The following SHOC2 variants were observed in gnomAD, a reference collection of about 807,000 sequenced individuals.
SHOC2 encodes SHOC2 leucine rich repeat scaffold protein.
A neutral mutation model predicts 50.2 loss-of-function variants in SHOC2; 4 were observed. That is an observed-to-expected ratio of 0.08 (90% confidence interval 0.04 to 0.18). The LOEUF (loss-of-function observed/expected upper bound fraction) is 0.18. SHOC2 is among the 10% of genes least tolerant of loss of function. The pLI is 1.00. For synonymous variants in SHOC2, 218 were observed against 244.5 expected (o/e 0.89, Z 1.01); for missense variants, 388 against 669.6 (o/e 0.58, Z 4.64).
At chr10:110,937,224 C>A (rs575026306) in intron 1 of SHOC2, 25 of 1,295,760 alleles carry the variant, frequency 1.9e-5, no homozygotes, top group Non-Finnish European at 2.8e-5. Flanking sequence ...AGGACCTGCA[C>A]CTCTGCCATC....
At chr10:110,930,984 A>C (rs1187439826) in intron 1 of SHOC2, among the ~76,000 whole-genome samples, 2 of 152,138 alleles carry the variant, frequency 1.3e-5, no homozygotes, top group East Asian at 3.8e-4. Context: ...TTGGGTAAAC[A>C]GGAATTTTCA....
intron 1 of SHOC2, among the ~76,000 whole-genome samples, chr10:110,960,405 A>G (rs1847549423): frequency 6.6e-6 from 1 of 152,198 alleles, no homozygotes; most frequent in Non-Finnish European, 1.5e-5. Context: ...TCATATAGTC[A>G]TGATTTGGAT....
intron 3 of SHOC2, among the ~76,000 whole-genome samples, chr10:110,997,998 CTTTTT>C (rs67929631): frequency 7.3e-6 from 1 of 136,644 alleles, no homozygotes. Flanking sequence ...TTATTATAGT[CTTTTT>C]TTTTTTTTTT....
intron 1 of SHOC2, among the ~76,000 whole-genome samples, chr10:110,953,752 A>G (rs1457172702): frequency 6.6e-6 from 1 of 151,588 alleles, no homozygotes; most frequent in Non-Finnish European, 1.5e-5. Context: ...ATATATTTTG[A>G]TAGGTTTGAT....
chr10:110,971,750 T>G (rs927331781), intron 2 of SHOC2, among the ~76,000 whole-genome samples: 3 of 152,118 alleles, frequency 2.0e-5, no homozygotes, highest in Non-Finnish European at 4.4e-5. Context: ...CATAGAGCTT[T>G]TTCACCTCCT....
At chr10:110,963,522 C>T (rs1192546051) in intron 1 of SHOC2, among the ~76,000 whole-genome samples, 1 of 152,068 alleles carries the variant, frequency 6.6e-6, no homozygotes, top group Non-Finnish European at 1.5e-5. Context: ...TTTTGCCAGA[C>T]TGCTCTCTCT....
At chr10:110,919,980 C>G (rs939418528) in intron 1 of SHOC2, 2 of 148,962 alleles carry the variant, frequency 1.3e-5, no homozygotes, top group Non-Finnish European at 3.0e-5. Context: ...GCGGGCGGCC[C>G]GGACAGCGCC....
chr10:110,920,366 C>G (rs1483747943), intron 1 of SHOC2, among the ~76,000 whole-genome samples: 1 of 152,116 alleles, frequency 6.6e-6, no homozygotes, highest in Non-Finnish European at 1.5e-5. Context: ...CTCACTCTTC[C>G]CCGACTTCCC....
intron 1 of SHOC2, among the ~76,000 whole-genome samples, chr10:110,945,298 G>T (rs1847225929): frequency 6.6e-6 from 1 of 152,126 alleles, no homozygotes; most frequent in South Asian, 2.1e-4. Context: ...AATAATTTGG[G>T]GAGAATGAAG....
At chr10:110,999,532 T>C (rs1848328464) in intron 3 of SHOC2, among the ~76,000 whole-genome samples, 1 of 150,072 alleles carries the variant, frequency 6.7e-6, no homozygotes, top group African/African-American at 2.4e-5. Context: ...AGGTCAGGAG[T>C]TCAAGACCAG....
chr10:110,980,158 C>CTT (rs745350568), intron 2 of SHOC2, among the ~76,000 whole-genome samples: 34 of 135,916 alleles, frequency 2.5e-4, no homozygotes, highest in East Asian at 4.2e-4. Context: ...ATTCCTGTCA[C>CTT]TTTTTTTTTT....
At chr10:110,996,156 G>A (rs1848263978) in intron 3 of SHOC2, among the ~76,000 whole-genome samples, 1 of 152,194 alleles carries the variant, frequency 6.6e-6, no homozygotes, top group African/African-American at 2.4e-5. Flanking sequence ...CTTGATGGGT[G>A]GAGGTATATT....
chr10:110,943,497 A>G (rs1847191037), intron 1 of SHOC2, among the ~76,000 whole-genome samples: 2 of 152,156 alleles, frequency 1.3e-5, no homozygotes, highest in Non-Finnish European at 2.9e-5. Context: ...TTCTACAGGC[A>G]TGTTTTCCTT....
At chr10:110,929,212 A>G (rs1001916868) in intron 1 of SHOC2, among the ~76,000 whole-genome samples, 9 of 152,226 alleles carry the variant, frequency 5.9e-5, no homozygotes, top group African/African-American at 2.2e-4. Flanking sequence ...AAAATTGTTC[A>G]TTAGCACATC....
At chr10:110,995,253 G>T (rs1385162836) in intron 3 of SHOC2, among the ~76,000 whole-genome samples, 2 of 152,216 alleles carry the variant, frequency 1.3e-5, no homozygotes, top group African/African-American at 4.8e-5. Context: ...AGTCTGGTGA[G>T]GGAGATAACT....
At chr10:111,001,456 A>G (rs1044765913) in intron 4 of SHOC2, among the ~76,000 whole-genome samples, 1 of 152,092 alleles carries the variant, frequency 6.6e-6, no homozygotes, top group Non-Finnish European at 1.5e-5. Flanking sequence ...CAGCCAGCCA[A>G]TATAATACTC....
intron 8 of SHOC2, among the ~76,000 whole-genome samples, chr10:111,011,121 G>C (rs1000830989): frequency 2.6e-5 from 4 of 152,102 alleles, no homozygotes; most frequent in Non-Finnish European, 4.4e-5. Flanking sequence ...ATAACTCTTA[G>C]TGAAAGGTTC....
At chr10:111,007,752 T>A (rs1230750486) in intron 6 of SHOC2, 99 bp downstream of exon 6, 3 of 1,205,416 alleles carry the variant, frequency 2.5e-6, no homozygotes, top group Non-Finnish European at 3.7e-6. Context: ...TGGGTGAATG[T>A]CATAATTAGA....
chr10:110,933,999 C>G (rs1274249553), intron 1 of SHOC2, among the ~76,000 whole-genome samples: 2 of 152,068 alleles, frequency 1.3e-5, no homozygotes, highest in Middle Eastern at 3.4e-3. Flanking sequence ...ATACCACAAA[C>G]AGTGGAAGAA....
Sources: allele counts gnomAD v4.1 joint callset (sites outside exome capture counted in the v4.1 genomes callset), GRCh38; gene constraint gnomAD v4.1.1; transcripts MANE v1.5; gene names NCBI Gene and HGNC (gene_info 2026-07-23, HGNC 2026-07-21).